The following GRIA1 variants were observed in gnomAD, a reference collection of about 807,000 sequenced individuals.
GRIA1 encodes the protein glutamate ionotropic receptor AMPA type subunit 1, also known as glutamate receptor 1.
GRIA1 carries 31 observed loss-of-function variants against 99.2 expected under a neutral mutation model. The ratio of observed to expected loss-of-function variants is 0.31; its 90% CI spans 0.23 to 0.42. GRIA1 has a LOEUF of 0.42. Among genes scored for constraint, GRIA1 ranks in the 10% least tolerant of loss-of-function variants. GRIA1 has a pLI of 1.00. For synonymous variants in GRIA1, 438 were observed against 432.4 expected (o/e 1.01, Z -0.16); for missense variants, 782 against 1,157.5 (o/e 0.68, Z 4.71).
Position 153,577,089 on chromosome 5 carries a change from AATGG to A in GRIA1, c.221-69820_221-69817del, listed in dbSNP as rs1327942366. 1.3e-4 allele frequency among the ~76,000 whole-genome samples: 10 copies of A among 79,048 alleles called. 1 individual carries two copies. Among genetic ancestry groups the A allele is most frequent in the African/African-American group, 3.9e-4 (8 of 20,274 alleles). The allele number at this position is 79,048 out of a possible 152,430, so 51.9% of individuals were successfully genotyped here. ...GGATGGATGGATGGATGAGTGGATG[AATGG>A]ATGGATGGATGGATGGATAAGTGGG... On this transcript the variant is annotated intron_variant, in intron 2 of 15. Transcript: ENST00000285900.
rs1274049849 is a variant in GRIA1 at position 153,804,489 on chromosome 5, A to G, written c.2520+1999A>G. The stretch of plus-strand genomic sequence containing the variant: ...AAGAACTAGGGGAGCTACAACCTGT[A>G]CCATCCCTCAAAACCTTCTCTATAG... On this transcript the variant is annotated intron_variant, in intron 15 of 15. Transcript: ENST00000285900. 4.6e-5 allele frequency among the ~76,000 whole-genome samples: 7 copies of G among 152,290 alleles called. No individual in the cohort carries two copies. In the South Asian group the frequency reaches 8.3e-4, roughly 18 times the overall value.
intron 5 of GRIA1, among the ~76,000 whole-genome samples, chr5:153,657,087 T>C (rs552755362): frequency 6.6e-6 from 1 of 152,332 alleles, no homozygotes; most frequent in Admixed American, 6.5e-5. Flanking sequence ...TATACCACAT[T>C]TTCTTTATCC....
chr5:153,770,524 G>T, intron 13 of GRIA1, 109 bp downstream of exon 13: 1 of 1,061,786 alleles, frequency 9.4e-7, no homozygotes, highest in East Asian at 2.4e-5. Flanking sequence ...AAGCTGTTGA[G>T]GGGGCTCTTC....
chr5:153,572,266 G>A (rs886713068), intron 2 of GRIA1, among the ~76,000 whole-genome samples: 24 of 152,122 alleles, frequency 1.6e-4, no homozygotes, highest in African/African-American at 5.6e-4. Context: ...CAAATGGTGT[G>A]GGCCCTACTC....
chr5:153,751,220 G>A (rs1201222517), intron 11 of GRIA1, among the ~76,000 whole-genome samples: 2 of 152,212 alleles, frequency 1.3e-5, no homozygotes, highest in Non-Finnish European at 2.9e-5. Flanking sequence ...CCATTCTCTT[G>A]ACAAACAATG....
chr5:153,763,005 G>A (rs182978858), intron 11 of GRIA1, among the ~76,000 whole-genome samples: 5 of 152,090 alleles, frequency 3.3e-5, no homozygotes, highest in South Asian at 4.1e-4. Context: ...CTCCTCATGC[G>A]ACATAGCTTT....
intron 2 of GRIA1, among the ~76,000 whole-genome samples, chr5:153,518,797 T>TA (rs1411984546): frequency 2.0e-5 from 3 of 152,186 alleles, no homozygotes; most frequent in African/African-American, 7.2e-5. Flanking sequence ...GAAATGGAGA[T>TA]ACTGCGAGGT....
intron 11 of GRIA1, among the ~76,000 whole-genome samples, chr5:153,731,859 G>T (rs544152158): frequency 2.0e-5 from 3 of 152,010 alleles, no homozygotes; most frequent in Non-Finnish European, 4.4e-5. Flanking sequence ...CTTATTATTC[G>T]TTTTATAACT....
chr5:153,716,845 A>C (rs889484833), intron 11 of GRIA1, among the ~76,000 whole-genome samples: 3 of 152,230 alleles, frequency 2.0e-5, no homozygotes, highest in Non-Finnish European at 4.4e-5. Context: ...GAATCTATTT[A>C]TCCTATGGGT....
intron 5 of GRIA1, among the ~76,000 whole-genome samples, chr5:153,656,582 G>T (rs1225083840): frequency 4.0e-5 from 6 of 151,102 alleles, no homozygotes; most frequent in Non-Finnish European, 7.4e-5. Context: ...ATTTTTTCTG[G>T]GTCATGTTTT....
intron 12 of GRIA1, among the ~76,000 whole-genome samples, chr5:153,766,715 G>T (rs1224735297): frequency 1.3e-5 from 2 of 152,154 alleles, no homozygotes; most frequent in African/African-American, 4.8e-5. Context: ...GATGACAGCT[G>T]GGCTTGTGGA....
intron 2 of GRIA1, among the ~76,000 whole-genome samples, chr5:153,535,391 T>A (rs575185307): frequency 6.6e-6 from 1 of 152,338 alleles, no homozygotes; most frequent in East Asian, 1.9e-4. Context: ...CTTAGCCTGT[T>A]GGAGAAATGA....
chr5:153,755,653 C>A (rs1762780736), intron 11 of GRIA1: 2 of 152,180 alleles, frequency 1.3e-5, no homozygotes. Flanking sequence ...GCACTGCAGC[C>A]TGGGCAACAT....
At chr5:153,651,165 G>A (rs1754545735) in intron 4 of GRIA1, among the ~76,000 whole-genome samples, 1 of 152,088 alleles carries the variant, frequency 6.6e-6, no homozygotes, top group Admixed American at 6.6e-5. Context: ...AGCTTATAGG[G>A]CCAAATTTCT....
At chr5:153,543,700 TA>T (rs57254057) in intron 2 of GRIA1, among the ~76,000 whole-genome samples, 4,074 of 152,226 alleles carry the variant, frequency 0.027, 69 homozygotes, top group South Asian at 0.047. Context: ...CAAATGAGAT[TA>T]AAAAAAGTCA....
intron 11 of GRIA1, among the ~76,000 whole-genome samples, chr5:153,712,637 G>A (rs142409330): frequency 1.3e-4 from 17 of 129,908 alleles, no homozygotes; most frequent in African/African-American, 1.8e-4. Flanking sequence ...AGTAAATATT[G>A]AGGCAAGTTG....
At chr5:153,540,952 G>A (rs1213828874) in intron 2 of GRIA1, among the ~76,000 whole-genome samples, 1 of 152,122 alleles carries the variant, frequency 6.6e-6, no homozygotes, top group East Asian at 1.9e-4. Flanking sequence ...AAGTAAGAAT[G>A]ATATGAGATG....
intron 11 of GRIA1, among the ~76,000 whole-genome samples, chr5:153,761,549 C>T (rs1763182336): frequency 6.6e-6 from 1 of 152,130 alleles, no homozygotes; most frequent in Admixed American, 6.5e-5. Context: ...GGAAGGGGAA[C>T]TCTTATATGC....
intron 11 of GRIA1, among the ~76,000 whole-genome samples, chr5:153,740,070 G>C (rs1403532303): frequency 1.3e-5 from 2 of 152,196 alleles, no homozygotes; most frequent in Non-Finnish European, 2.9e-5. Flanking sequence ...TGATACACTA[G>C]TTTTGGGAAC....
Sources: gnomAD v4.1 joint callset for allele counts (sites outside exome capture counted in the v4.1 genomes callset) on GRCh38, gnomAD v4.1.1 for gene constraint, MANE v1.5 for transcripts, NCBI Gene and HGNC (gene_info 2026-07-23, HGNC 2026-07-21) for gene names.